Variants in CAPN2 observed in about 807,000 individuals in gnomAD.
The protein encoded by CAPN2 is calpain-2 catalytic subunit.
In CAPN2, 92 loss-of-function variants were observed where a neutral mutation model predicts 102.3. That is an observed-to-expected ratio of 0.90 (90% CI 0.76 to 1.07). CAPN2 has a LOEUF of 1.07. CAPN2 is among the 50% of genes least tolerant of loss of function. The pLI is 0.00. For synonymous variants in CAPN2, 340 were observed against 355.4 expected, an observed-to-expected ratio of 0.96 and a Z score of 0.49; for missense variants, 800 against 909.4, an observed-to-expected ratio of 0.88 and a Z score of 1.55.
intron 2 of CAPN2, among the ~76,000 whole-genome samples, chr1:223,739,896 G>A (rs759849418): frequency 6.6e-4 from 101 of 152,254 alleles, no homozygotes; most frequent in Non-Finnish European, 8.7e-4. Context: ...CACCCTTCTC[G>A]AGCTAGCTGG....
chr1:223,706,217 C>T (rs142833360), intron 1 of CAPN2, among the ~76,000 whole-genome samples: 20 of 152,272 alleles, frequency 1.3e-4, no homozygotes, highest in Middle Eastern at 3.4e-3. Context: ...ACTGTCAGCA[C>T]GTCCCATCTT....
intron 19 of CAPN2, 28 bp downstream of exon 19, chr1:223,771,953 T>C (rs1470105753): frequency 1.3e-6 from 2 of 1,493,164 alleles, no homozygotes; most frequent in Non-Finnish European, 1.9e-6. Context: ...GAATGACTCA[T>C]TTCAGTTCTC....
intron 10 of CAPN2, among the ~76,000 whole-genome samples, chr1:223,757,097 A>G (rs138139442): frequency 6.6e-6 from 1 of 152,278 alleles, no homozygotes; most frequent in Non-Finnish European, 1.5e-5. Flanking sequence ...GGAGGCCGAT[A>G]TGGGCTTTGC....
chr1:223,739,964 G>A (rs1486656902), intron 2 of CAPN2, among the ~76,000 whole-genome samples: 3 of 152,194 alleles, frequency 2.0e-5, no homozygotes, highest in East Asian at 1.9e-4. Context: ...AGGAAGAGAC[G>A]TCATGGACTT....
In CAPN2 at chr1:223,728,153, CA is replaced by C. The variant is rs1383588309; in HGVS notation, c.307+10325del. On this transcript the variant is annotated intron_variant, in intron 2 of 20. Transcript: ENST00000295006. ...TAGTGTGTAACAATCCACCCCAAAA[CA>C]AATGGCTTGAAACACAAGGCATTTT... is the stretch of plus-strand genomic sequence containing the variant. 2.0e-5 allele frequency among the ~76,000 whole-genome samples: 3 copies of C among 152,266 alleles called. No homozygotes were observed. The South Asian group carries it at 6.2e-4, about 32-fold the overall frequency.
At chr1:223,746,704 T>C (rs989765126) in intron 4 of CAPN2, among the ~76,000 whole-genome samples, 27 of 152,110 alleles carry the variant, frequency 1.8e-4, no homozygotes, top group African/African-American at 6.5e-4. Context: ...GGTCTTGAAC[T>C]CCTGACCTCA....
chr1:223,707,292 C>G (rs1295064486), intron 1 of CAPN2, among the ~76,000 whole-genome samples: 1 of 152,102 alleles, frequency 6.6e-6, no homozygotes, highest in Admixed American at 6.6e-5. Context: ...CTCTCTCACT[C>G]CCTCTCTCAT....
Position 223,737,706 on chromosome 1 carries a change from GCGGGGGGT to G in CAPN2, c.308-6393_308-6386del, listed in dbSNP as rs1177831241. Among the ~76,000 whole-genome samples the G allele has an allele frequency of 5.6e-3, 146 of 25,878 alleles. 7 individuals are homozygous for G. The highest frequency in any genetic ancestry group is 0.011 in the African/African-American group (141 of 12,362). 17.0% of individuals were successfully genotyped at this position (25,878 alleles called of 152,430 possible). A position where few individuals can be genotyped will look rare whatever the true frequency, so the allele number is the denominator to read the frequency against. The stretch of plus-strand genomic sequence containing the variant: ...TTAAGGCCTGACCAAAAGAGACGGG[GCGGGGGGT>G]GGGGGGGAGAGAATACAATAACACC... On this transcript the variant is annotated intron_variant, in intron 2 of 20. Coordinates refer to ENST00000295006, the MANE Select transcript of CAPN2 (RefSeq NM_001748.5).
chr1:223,759,056 TTTG>T lies in CAPN2; in HGVS notation c.1318-208_1318-206del, dbSNP rs1661116641. The T allele has an allele frequency of 3.4e-6, 2 of 583,294 alleles. No homozygotes were observed. Among genetic ancestry groups the T allele is most frequent in the East Asian group, 2.9e-5 (1 of 34,792 alleles). 36.1% of individuals were successfully genotyped at this position (583,294 alleles called of 1,614,324 possible). A position where few individuals can be genotyped will look rare whatever the true frequency, so the allele number is the denominator to read the frequency against. On this transcript the variant is annotated intron_variant, in intron 11 of 20. Coordinates refer to ENST00000295006, the MANE Select transcript of CAPN2 (RefSeq NM_001748.5). This position sits in a 1 kb window ranked among gnomAD's most constrained non-coding sequence, Gnocchi z 4.6. ...TGTACTGCTATTTTTTTAAAAAAAT[TTTG>T]TTGTTTTGTTGTTGTTGTCGTCGTT...
chr1:223,708,905 GAAAAA>G (rs57237907), upstream of CAPN2, among the ~76,000 whole-genome samples: 1,488 of 152,024 alleles, frequency 9.8e-3, 24 homozygotes, highest in African/African-American at 0.033. Flanking sequence ...GAAGAGAAAA[GAAAAA>G]AAAAGAGAGA....
intron 7 of CAPN2, 57 bp downstream of exon 7, chr1:223,751,032 C>T: frequency 7.4e-7 from 1 of 1,355,492 alleles, no homozygotes; most frequent in Non-Finnish European, 1.0e-6. Context: ...CTGGGAGGCT[C>T]TGGGAAGAGG....
rs764408175 is a variant in CAPN2, at chr1:223,751,112, ACCCGTGGACAGGGG to A, written c.899+141_899+154del. ...GAGAGCCCAGGCCACGTGGACAGGG[ACCCGTGGACAGGGG>A]CCCCTCAAAGGGTCTTTTAACCAGG... On this transcript the variant is annotated intron_variant, in intron 7 of 20. Transcript: ENST00000295006. 237 of 780,646 alleles carry A rather than the reference ACCCGTGGACAGGGG, an allele frequency of 3.0e-4. 1 individual carries two copies. Among genetic ancestry groups the A allele is most frequent in the Non-Finnish European group, 4.3e-4 (202 of 469,826 alleles). 48.4% of individuals were successfully genotyped at this position (780,646 alleles called of 1,614,324 possible).
rs193102706 is a variant in CAPN2, at chr1:223,733,494, G to A, written c.308-10606G>A. ...TATCTTTTCAGTAGAAGGCCCTGGAGTTTAAAGGAGTCATTCATAAGGTCT... is the reference window on the plus strand; with the variant it reads ...TATCTTTTCAGTAGAAGGCCCTGGAATTTAAAGGAGTCATTCATAAGGTCT... On this transcript the variant is annotated intron_variant, in intron 2 of 20. Coordinates refer to ENST00000295006, the MANE Select transcript of CAPN2 (RefSeq NM_001748.5). Among the ~76,000 whole-genome samples, 77 of 152,244 alleles carry A rather than the reference G, an allele frequency of 5.1e-4. 1 individual carries two copies. In the South Asian group the frequency reaches 1.0e-2, roughly 20 times the overall value.
chr1:223,716,033 G>T lies in CAPN2; in HGVS notation c.238-1729G>T, dbSNP rs898141702. ...GTTAAGTGACTTCCCAGGGTCCTAC[G>T]ACCTACATAATAAGTGGCAGAGCCA... On this transcript the variant is annotated intron_variant, in intron 1 of 20. Transcript: ENST00000295006. 2.0e-5 allele frequency among the ~76,000 whole-genome samples: 3 copies of T among 152,320 alleles called. No individual in the cohort carries two copies. In the South Asian group the frequency reaches 6.2e-4, roughly 32 times the overall value.
At position 223,765,805 on chromosome 1, in the gene CAPN2, T is replaced by TG. The variant is rs561976957; in HGVS notation, c.1691-561dup. On this transcript the variant is annotated intron_variant, in intron 15 of 20. Transcript: ENST00000295006. Reference sequence around the variant, plus strand: ...AAAAGGCTGGGCTTTTCGTGAAGTCTGTGGGGAGCCAGGTTCACATTGGTG... The same window carrying TG: ...AAAAGGCTGGGCTTTTCGTGAAGTCTGGTGGGGAGCCAGGTTCACATTGGTG... Among the ~76,000 whole-genome samples, 485 of 152,330 alleles carry TG rather than the reference T, an allele frequency of 3.2e-3. 2 individuals are homozygous for TG. Among genetic ancestry groups the TG allele is most frequent in the African/African-American group, 0.011 (455 of 41,586 alleles).
Position 223,712,701 on chromosome 1 carries a change from C to CGA in CAPN2, c.61_62insGA (p.His21ArgfsTer97), listed in dbSNP as rs1558378965. ...GGAGGCGGCCGAGGGGCTGGGCTCCCACGACAGGGCCATCAAGTACCTCAA... is the reference window on the plus strand; with the variant it reads ...GGAGGCGGCCGAGGGGCTGGGCTCCCGAACGACAGGGCCATCAAGTACCTCAA... On this transcript the variant is annotated frameshift_variant, in exon 1 of 21. Transcript: ENST00000295006. LOFTEE classifies it high-confidence loss of function. The CGA allele has an allele frequency of 6.3e-7, 1 of 1,578,276 alleles. No individual in the cohort carries two copies. The highest frequency in any genetic ancestry group is 8.6e-7 in the Non-Finnish European group (1 of 1,164,930).
At chr1:223,712,489 G>C, upstream of CAPN2, 1 of 1,185,626 alleles carries the variant, frequency 8.4e-7, no homozygotes, top group Non-Finnish European at 1.0e-6. Flanking sequence ...CACCCCGCGG[G>C]CCGGGCCGCT....
intron 3 of CAPN2, 113 bp from the exon 4 acceptor site, chr1:223,745,193 G>T: frequency 1.4e-6 from 2 of 1,408,942 alleles, no homozygotes; most frequent in Non-Finnish European, 2.0e-6. Flanking sequence ...CCCAGGATGC[G>T]CTCATGGAAC....
intron 20 of CAPN2, 60 bp from the exon 21 acceptor site, chr1:223,774,774 A>C: frequency 2.0e-6 from 3 of 1,520,278 alleles, no homozygotes; most frequent in Non-Finnish European, 2.7e-6. Flanking sequence ...ACAGGTACTT[A>C]AATAGCCTTT....
Sources: gnomAD v4.1 joint callset for allele counts (sites outside exome capture counted in the v4.1 genomes callset) on GRCh38, gnomAD v4.1.1 for gene constraint, Gnocchi (gnomAD v3.1) non-coding constraint, MANE v1.5 for transcripts, NCBI Gene and HGNC (gene_info 2026-07-23, HGNC 2026-07-21) for gene names.